Variants in ANK2 observed in about 807,000 individuals in gnomAD.
The protein encoded by ANK2 is ankyrin 2.
ANK2 carries 83 observed loss-of-function variants against 360.5 expected under a neutral mutation model. That is an observed-to-expected ratio of 0.23 (90% CI 0.19 to 0.28). The LOEUF is 0.28. Ranked by LOEUF, ANK2 falls within the 10% of genes least tolerant of loss-of-function variation. ANK2 has a pLI of 1.00. For synonymous variants in ANK2, 1,740 were observed against 1,759.5 expected (o/e 0.99, Z 0.28); for missense variants, 4,201 against 4,795.7 (o/e 0.88, Z 3.66).
intron 1 of ANK2, among the ~76,000 whole-genome samples, chr4:112,886,683 A>C (rs1464852287): frequency 6.6e-6 from 1 of 152,098 alleles, no homozygotes. Flanking sequence ...ACAAACAGAC[A>C]AAAAACAAAT....
chr4:112,925,604 G>C (rs1297166146), intron 2 of ANK2, among the ~76,000 whole-genome samples: 1 of 152,140 alleles, frequency 6.6e-6, no homozygotes, highest in African/African-American at 2.4e-5. Flanking sequence ...CAATAATAGT[G>C]ATAGTAAATA....
At chr4:112,781,616 A>G in the ANK2 span, among the ~76,000 whole-genome samples, 30 of 152,214 alleles carry the variant, frequency 2.0e-4, 1 homozygote, top group Admixed American at 7.8e-4. Context: ...CCTGATTTTT[A>G]AAAATCATAA....
intron 17 of ANK2, among the ~76,000 whole-genome samples, chr4:113,282,111 G>A (rs999192649): frequency 1.3e-5 from 2 of 152,146 alleles, no homozygotes; most frequent in Admixed American, 1.3e-4. Context: ...ATTATAGTAA[G>A]ATAATAGAAA....
chr4:112,937,199 T>C (rs1253895015), intron 2 of ANK2, among the ~76,000 whole-genome samples: 4 of 152,146 alleles, frequency 2.6e-5, no homozygotes, highest in African/African-American at 9.7e-5. Context: ...ATGGGTAAAT[T>C]AGTGATGGGT....
intron 2 of ANK2, among the ~76,000 whole-genome samples, chr4:113,177,860 A>C (rs2098274862): frequency 6.6e-6 from 1 of 152,230 alleles, no homozygotes; most frequent in East Asian, 1.9e-4. Flanking sequence ...TCACTTTAGA[A>C]AGTGATATTT....
rs761384120 is a variant in ANK2, at chr4:113,355,756, A to G, written c.7138A>G (p.Lys2380Glu). The G allele has an allele frequency of 1.9e-5, 31 of 1,614,130 alleles. No homozygotes were observed. Among genetic ancestry groups the G allele is most frequent in the African/African-American group, 2.7e-5 (2 of 75,052 alleles). The change falls in exon 38 of 46, where the codon AAG becomes GAG. Residue 2380 changes from lysine (K) to glutamate (E), a missense_variant. By Grantham distance (56) the Lys-to-Glu change is moderately conservative. Coordinates refer to ENST00000357077, the MANE Select transcript of ANK2 (RefSeq NM_001148.6). ...ATCCACAGCCACCTCAGACGAGACA[A>G]AGGCCTTGCCGCTGCCTGAGGCTTC... ...QESTATSDET[K>E]ALPLPEASVK...
intron 7 of ANK2, 152 bp from the exon 8 acceptor site, chr4:113,240,333 C>A: frequency 1.5e-6 from 1 of 666,244 alleles, no homozygotes; most frequent in Non-Finnish European, 2.7e-6. Context: ...TATGTACCAC[C>A]TTATAACATT....
chr4:113,049,788 T>A lies in ANK2; in HGVS notation c.60T>A (p.Ser20Arg). ...GTGGAGAGAAGTTCAACGGCAGTAG[T>A]CAGAGGAGAAAAAGACCCAAGAAGG... ...SDSGEKFNGSSQRRKRPKKSD... is the reference protein window; with the variant it reads ...SDSGEKFNGSRQRRKRPKKSD... Residue 20 changes from serine to arginine, a missense_variant, in exon 1 of 46, where the codon AGT (serine) becomes AGA (arginine). Transcript: ENST00000357077. 6.2e-7 allele frequency: 1 copy of A among 1,613,816 alleles called. No individual in the cohort carries two copies. Among genetic ancestry groups the A allele is most frequent in the Non-Finnish European group, 8.5e-7 (1 of 1,179,844 alleles).
At chr4:112,803,683 T>A in the ANK2 span, among the ~76,000 whole-genome samples, 1 of 152,160 alleles carries the variant, frequency 6.6e-6, no homozygotes, top group East Asian at 1.9e-4. Context: ...ATACATACAC[T>A]AAAAAATATA....
intron 1 of ANK2, among the ~76,000 whole-genome samples, chr4:112,882,517 A>G (rs1560932920): frequency 6.6e-6 from 1 of 152,130 alleles, no homozygotes. Context: ...AATGGATGGA[A>G]ACCTAATCTG....
chr4:112,760,141 C>G, the ANK2 span, among the ~76,000 whole-genome samples: 11 of 151,646 alleles, frequency 7.3e-5, no homozygotes, highest in Non-Finnish European at 1.5e-4. Context: ...CAGTTACGTT[C>G]CATTCTGTAT....
At chr4:112,750,680 CA>C in the ANK2 span, among the ~76,000 whole-genome samples, 1 of 151,896 alleles carries the variant, frequency 6.6e-6, no homozygotes, top group Non-Finnish European at 1.5e-5. Context: ...ATAGGCAGAG[CA>C]GCCCCAAGGG....
the ANK2 span, chr4:112,798,367 A>C: frequency 6.6e-6 from 1 of 151,940 alleles, no homozygotes; most frequent in African/African-American, 2.4e-5. Flanking sequence ...AGCTCACTGC[A>C]ACCTCCGCCT....
chr4:112,903,202 C>T (rs903944536), intron 1 of ANK2, among the ~76,000 whole-genome samples: 11 of 152,184 alleles, frequency 7.2e-5, no homozygotes, highest in African/African-American at 2.4e-4. Flanking sequence ...CAATAATTTG[C>T]GTCTCTGACG....
chr4:113,164,638 A>T (rs1417872273), intron 1 of ANK2, among the ~76,000 whole-genome samples: 1 of 152,212 alleles, frequency 6.6e-6, no homozygotes, highest in Non-Finnish European at 1.5e-5. Flanking sequence ...CAAGGGGGCA[A>T]GAGTAAATTA....
chr4:112,731,589 G>T, the ANK2 span, among the ~76,000 whole-genome samples: 3 of 151,706 alleles, frequency 2.0e-5, no homozygotes, highest in Non-Finnish European at 4.4e-5. Context: ...AAATTGTGGG[G>T]TGTGTGTGCA....
At chr4:113,151,901 CA>C (rs34604677) in intron 1 of ANK2, among the ~76,000 whole-genome samples, 8,336 of 108,192 alleles carry the variant, frequency 0.077, 245 homozygotes, top group Non-Finnish European at 0.091. Context: ...CCCATCTCTA[CA>C]AAAAAAAAAA....
In ANK2 at chr4:112,936,207, A is replaced by G. The variant is rs188235649; in HGVS notation, c.21+31693A>G. 1.8e-3 allele frequency among the ~76,000 whole-genome samples: 268 copies of G among 152,338 alleles called. 1 individual carries two copies. Among genetic ancestry groups the G allele is most frequent in the Admixed American group, 5.2e-3 (79 of 15,310 alleles). On this transcript the variant is annotated intron_variant, in intron 2 of 30. Coordinates refer to the ANK2 transcript ENST00000503271. ...AGTTTGTAAATGGAAGAGCTTCAGC[A>G]TTGTACAGAACCAAATGGCTGATGA...
intron 1 of ANK2, chr4:113,117,263 A>G (rs1048479815): frequency 2.2e-6 from 1 of 455,608 alleles, no homozygotes; most frequent in African/African-American, 2.0e-5. Context: ...ATCCTCTGCT[A>G]CTGCTTCTGC....
Sources: allele counts gnomAD v4.1 joint callset (sites outside exome capture counted in the v4.1 genomes callset), GRCh38; gene constraint gnomAD v4.1.1; transcripts MANE v1.5; gene names NCBI Gene and HGNC (gene_info 2026-07-23, HGNC 2026-07-21).